The following BEND3 variants were observed in gnomAD, a reference collection of about 807,000 sequenced individuals.
The protein encoded by BEND3 is BEN domain-containing protein 3.
BEND3 carries 13 observed loss-of-function variants against 60.1 expected under a neutral mutation model. The ratio of observed to expected loss-of-function variants is 0.22; its 90% CI spans 0.14 to 0.34. The LOEUF (loss-of-function observed/expected upper bound fraction) is 0.34, where lower values mean the gene tolerates loss of function less well. Ranked by LOEUF, BEND3 falls within the 10% of genes least tolerant of loss-of-function variation. BEND3 has a pLI of 1.00. For missense variants in BEND3, 896 were observed against 1,138.1 expected (o/e 0.79, Z 3.06); for synonymous variants, 497 against 491.5 (o/e 1.01, Z -0.15).
intron 1 of BEND3, among the ~76,000 whole-genome samples, chr6:107,107,655 G>C (rs1775847773): frequency 6.6e-6 from 1 of 152,072 alleles, no homozygotes; most frequent in South Asian, 2.1e-4. Flanking sequence ...TAGAGACGGG[G>C]TTTTACCATG....
chr6:107,076,673 G>T (rs1313288775), intron 3 of BEND3, among the ~76,000 whole-genome samples: 1 of 152,148 alleles, frequency 6.6e-6, no homozygotes, highest in African/African-American at 2.4e-5. Flanking sequence ...AGTGCCCTGA[G>T]AGTCAGCACG....
At chr6:107,096,847 C>A (rs782428934) in intron 3 of BEND3, among the ~76,000 whole-genome samples, 2 of 152,092 alleles carry the variant, frequency 1.3e-5, no homozygotes, top group Admixed American at 1.3e-4. Context: ...GTAATCCCAG[C>A]ACTTTGGGAG....
chr6:107,077,141 G>A (rs1474101755), intron 3 of BEND3, among the ~76,000 whole-genome samples: 1 of 152,022 alleles, frequency 6.6e-6, no homozygotes, highest in East Asian at 1.9e-4. Context: ...ATCTCTTTCT[G>A]CACAAAATCC....
At chr6:107,080,354 C>CAAAAAAAAAAAAAAAAAAAA (rs11402351) in intron 3 of BEND3, among the ~76,000 whole-genome samples, 1 of 83,272 alleles carries the variant, frequency 1.2e-5, no homozygotes, top group African/African-American at 4.7e-5. Flanking sequence ...GATCCCATCT[C>CAAAAAAAAAAAAAAAAAAAA]AAAAAAAAAA....
intron 1 of BEND3, 92 bp downstream of exon 1, chr6:107,114,998 C>T (rs1770233932): frequency 6.8e-6 from 1 of 147,432 alleles, no homozygotes; most frequent in Non-Finnish European, 1.5e-5. Context: ...CCCACCCCGG[C>T]ATGGATGTTG....
chr6:107,086,276 G>A lies in BEND3; in HGVS notation c.240+12275C>T, dbSNP rs1425706287. Among the ~76,000 whole-genome samples, 15 of 152,186 alleles carry A rather than the reference G, an allele frequency of 9.9e-5. 1 individual carries two copies. The highest frequency in any genetic ancestry group is 3.6e-4 in the African/African-American group (15 of 41,478). On this transcript the variant is annotated intron_variant, in intron 3 of 3. Coordinates refer to ENST00000369042, the MANE Select transcript of BEND3 (RefSeq NM_001367314.1). ...TCCTGTCCCACTTAAGGGAGGAATG[G>A]AGGAACTACAAAGTCCAAGTGAAGT...
In BEND3 at chr6:107,073,227, A is replaced by G. The variant is rs868939973; in HGVS notation, c.241-2277T>C. Among the ~76,000 whole-genome samples the G allele has an allele frequency of 3.1e-4, 14 of 45,894 alleles. 1 individual carries two copies. Among genetic ancestry groups the G allele is most frequent in the African/African-American group, 6.1e-4 (5 of 8,230 alleles). The allele number at this position is 45,894 out of a possible 152,430, so 30.1% of individuals were successfully genotyped here. A position where few individuals can be genotyped will look rare whatever the true frequency, so the allele number is the denominator to read the frequency against. On this transcript the variant is annotated intron_variant, in intron 3 of 3. Coordinates refer to ENST00000369042, the MANE Select transcript of BEND3 (RefSeq NM_001367314.1). Reference sequence around the variant, plus strand: ...TATATATATATATATATATATATATATATATATATATATATATATATATAT... The same window carrying G: ...TATATATATATATATATATATATATGTATATATATATATATATATATATAT...
chr6:107,085,469 T>C (rs1775325023), intron 3 of BEND3, among the ~76,000 whole-genome samples: 1 of 152,182 alleles, frequency 6.6e-6, no homozygotes, highest in Admixed American at 6.6e-5. Context: ...TCTTTTGTTT[T>C]TTCTTTCTTT....
At chr6:107,078,419 A>G (rs1360204299) in intron 3 of BEND3, among the ~76,000 whole-genome samples, 1 of 151,564 alleles carries the variant, frequency 6.6e-6, no homozygotes, top group Non-Finnish European at 1.5e-5. Context: ...AATGCTGGTC[A>G]TGGGGTTGAG....
chr6:107,076,068 G>T (rs1775093665), intron 3 of BEND3, among the ~76,000 whole-genome samples: 1 of 152,068 alleles, frequency 6.6e-6, no homozygotes, highest in Non-Finnish European at 1.5e-5. Context: ...AGAAACCTTG[G>T]GTACACAATT....
At position 107,065,321 on chromosome 6, in the gene BEND3, A is replaced by G. The variant is rs1774804193; in HGVS notation, c.*3383T>C. ...TTCAGTTTCCTAAGGATGCACTCCA[A>G]TCTATGGTAAAATGCAGACATGATG... On this transcript the variant is annotated 3_prime_UTR_variant, in exon 4 of 4. Transcript: ENST00000369042. 1 of 152,652 alleles carries G rather than the reference A, an allele frequency of 6.6e-6. No homozygotes were observed. The highest frequency in any genetic ancestry group is 2.4e-5 in the African/African-American group (1 of 41,460). 9.5% of individuals were successfully genotyped at this position (152,652 alleles called of 1,614,324 possible).
chr6:107,113,424 C>A (rs12204409), intron 1 of BEND3, among the ~76,000 whole-genome samples: 83,316 of 134,878 alleles, frequency 0.62, 26,012 homozygotes, highest in Middle Eastern at 0.83. Context: ...GGTGACAGAG[C>A]GAGACTCCGT....
chr6:107,091,215 GA>G (rs1342732820), intron 3 of BEND3, among the ~76,000 whole-genome samples: 2 of 151,314 alleles, frequency 1.3e-5, no homozygotes, highest in Admixed American at 6.6e-5. Flanking sequence ...GCATATAATA[GA>G]AAAGATCTAA....
At chr6:107,083,177 C>T (rs1554233759) in intron 3 of BEND3, among the ~76,000 whole-genome samples, 1 of 152,176 alleles carries the variant, frequency 6.6e-6, no homozygotes, top group Non-Finnish European at 1.5e-5. Context: ...GATCACAGAT[C>T]AGATCTGTGG....
In BEND3 at chr6:107,069,445, G is replaced by C; in HGVS notation, c.1746C>G (p.Phe582Leu). The C allele has an allele frequency of 6.2e-7, 1 of 1,612,502 alleles. No individual in the cohort carries two copies. Among genetic ancestry groups the C allele is most frequent in the Non-Finnish European group, 8.5e-7 (1 of 1,180,032 alleles). Residue 582 changes from phenylalanine to leucine, a missense_variant, in exon 4 of 4, where the codon TTC (phenylalanine) becomes TTG (leucine). Around this residue, in one of 4 missense-constraint regions of BEND3, gnomAD observed 846 missense variants for 1,036.7 expected, o/e 0.82. Transcript: ENST00000369042. The stretch of plus-strand genomic sequence containing the variant: ...GGTTCTCGTGCGTGAAGAGCTCGGG[G>C]AACAGGTGCACCAGCAGGCGCGAGG... Reference protein sequence around the residue: ...NFASRLLVHLFPELFTHENLR... With the variant: ...NFASRLLVHLLPELFTHENLR...
intron 3 of BEND3, among the ~76,000 whole-genome samples, chr6:107,097,116 G>A (rs927434832): frequency 9.2e-5 from 14 of 151,674 alleles, no homozygotes; most frequent in Admixed American, 2.0e-4. Context: ...CCTGTAATCC[G>A]AACACTTTGG....
chr6:107,067,580 C>A lies in BEND3; in HGVS notation c.*1124G>T, dbSNP rs545457849. ...TGGACCCTGGGAAGGGACATGTGTA[C>A]CCCATCTAAAATGGCCTGTGTCCTT... On this transcript the variant is annotated 3_prime_UTR_variant, in exon 4 of 4. Coordinates refer to ENST00000369042, the MANE Select transcript of BEND3 (RefSeq NM_001367314.1). 1 of 152,282 alleles carries A rather than the reference C, an allele frequency of 6.6e-6. No homozygotes were observed. Among genetic ancestry groups the A allele is most frequent in the Non-Finnish European group, 1.5e-5 (1 of 68,118 alleles). 9.4% of individuals were successfully genotyped at this position (152,282 alleles called of 1,614,324 possible).
chr6:107,097,682 C>T (rs545984694), intron 3 of BEND3, among the ~76,000 whole-genome samples: 7 of 144,256 alleles, frequency 4.9e-5, no homozygotes, highest in Admixed American at 4.4e-4. Flanking sequence ...CTCAGCTTCT[C>T]GGGAGGCTGA....
chr6:107,088,380 T>C (rs1320010188), intron 3 of BEND3, among the ~76,000 whole-genome samples: 1 of 151,968 alleles, frequency 6.6e-6, no homozygotes, highest in East Asian at 1.9e-4. Flanking sequence ...ACCATGGGAA[T>C]ACATGGAAAG....
Sources: gnomAD v4.1 joint callset for allele counts (sites outside exome capture counted in the v4.1 genomes callset) on GRCh38, gnomAD v4.1.1 for gene constraint, gnomAD v4.1.1 regional missense constraint, MANE v1.5 for transcripts, NCBI Gene and HGNC (gene_info 2026-07-23, HGNC 2026-07-21) for gene names.